The following LRP1 variants were observed in gnomAD, a reference collection of about 807,000 sequenced individuals.
The protein encoded by LRP1 is prolow-density lipoprotein receptor-related protein 1.
In LRP1, 51 loss-of-function variants were observed where a neutral mutation model predicts 541.5. The ratio of observed to expected loss-of-function variants is 0.09; its 90% CI spans 0.08 to 0.12. The LOEUF (loss-of-function observed/expected upper bound fraction) is 0.12. LRP1 is among the 10% of genes least tolerant of loss of function. The probability of loss-of-function intolerance (pLI) is 1.00; values close to 1 mark genes in which losing one functional copy is unlikely to be tolerated. For synonymous variants in LRP1, 2,219 were observed against 2,470.8 expected (o/e 0.90, Z 3.02); for missense variants, 3,878 against 6,376.2 (o/e 0.61, Z 13.34).
rs780876262 is a variant in LRP1, at chr12:57,209,064, G to C, written c.12146-19G>C. The C allele has an allele frequency of 6.3e-7, 1 of 1,597,696 alleles. No homozygotes were observed. Among genetic ancestry groups the C allele is most frequent in the Admixed American group, 1.7e-5 (1 of 59,764 alleles). On this transcript the variant is annotated intron_variant, in intron 78 of 88. Coordinates refer to ENST00000243077, the MANE Select transcript of LRP1 (RefSeq NM_002332.3). The stretch of plus-strand genomic sequence containing the variant: ...GGGTTGGGGAGGCCAAGCTCTCACA[G>C]TGCTCTCTCTCTCCCCAGGCCTGGC...
At chr12:57,143,929 GCCAC>G in intron 4 of LRP1, 131 bp downstream of exon 4, 1 of 1,202,442 alleles carries the variant, frequency 8.3e-7, no homozygotes, top group Non-Finnish European at 1.1e-6. Flanking sequence ...GAGAGGGGGT[GCCAC>G]CACCCCAGGG....
intron 68 of LRP1, 146 bp downstream of exon 68, chr12:57,202,683 TG>T: frequency 1.6e-6 from 1 of 636,520 alleles, no homozygotes; most frequent in South Asian, 1.8e-5. Context: ...TCCCACTCCA[TG>T]TCGTGTATTT....
chr12:57,143,596 A>G, intron 3 of LRP1, 83 bp from the exon 4 acceptor site: 1 of 1,529,408 alleles, frequency 6.5e-7, no homozygotes, highest in Non-Finnish European at 8.9e-7. Flanking sequence ...CTGAAGGTTG[A>G]CTGGGTTTAG....
chr12:57,175,729 G>GA (rs1316278092), intron 23 of LRP1, 24 bp downstream of exon 23: 80 of 1,553,044 alleles, frequency 5.2e-5, no homozygotes, highest in Admixed American at 7.3e-5. Flanking sequence ...GAGGTGTGGT[G>GA]GGGCAGGCCG....
chr12:57,167,929 C>T (rs1212903345), intron 19 of LRP1, among the ~76,000 whole-genome samples: 2 of 152,246 alleles, frequency 1.3e-5, no homozygotes, highest in African/African-American at 4.8e-5. Context: ...AGAAGCCCAC[C>T]TGGCAGATAG....
At chr12:57,138,689 C>A (rs2035225066) in intron 2 of LRP1, 108 bp downstream of exon 2, 1 of 1,444,442 alleles carries the variant, frequency 6.9e-7, no homozygotes, top group Non-Finnish European at 9.5e-7. Flanking sequence ...GTGGACCTTG[C>A]TCAGTGATTG....
At chr12:57,167,383 C>G (rs1369877096) in intron 18 of LRP1, 61 bp from the exon 19 acceptor site, 1 of 1,243,438 alleles carries the variant, frequency 8.0e-7, no homozygotes, top group Non-Finnish European at 1.2e-6. Context: ...ACTCACCTGC[C>G]CAGTACTGTG....
intron 43 of LRP1, 52 bp from the exon 44 acceptor site, chr12:57,191,268 C>A: frequency 6.6e-7 from 1 of 1,526,070 alleles, no homozygotes; most frequent in Non-Finnish European, 8.9e-7. Flanking sequence ...CCGGTGGAGA[C>A]TGGGCAAGAG....
rs1057178105 is a variant in LRP1 at position 57,153,229 on chromosome 12, G to A, written c.842-979G>A. On this transcript the variant is annotated intron_variant, in intron 6 of 88. Transcript: ENST00000243077. ...GAAGGGGGTAGTGAGTAGATGGAAG[G>A]AAGCCAGTGGTCCTGGAGAGGAGGA... Among the ~76,000 whole-genome samples, 54 of 152,072 alleles carry A rather than the reference G, an allele frequency of 3.6e-4. 1 individual carries two copies. Among genetic ancestry groups the A allele is most frequent in the African/African-American group, 1.3e-3 (53 of 41,392 alleles).
intron 79 of LRP1, 128 bp from the exon 80 acceptor site, chr12:57,209,564 G>A: frequency 1.3e-6 from 1 of 749,700 alleles, no homozygotes; most frequent in Non-Finnish European, 2.3e-6. Context: ...ACCGGTGTGG[G>A]GAGAGAGAAT....
chr12:57,157,067 G>A (rs2035636761), intron 10 of LRP1, 147 bp downstream of exon 10: 2 of 1,053,796 alleles, frequency 1.9e-6, no homozygotes, highest in Admixed American at 3.2e-5. Flanking sequence ...GGCAGAGATG[G>A]GACTTGAATC....
rs771295238 is a variant in LRP1 at position 57,206,721 on chromosome 12, C to T, written c.11839C>T (p.Arg3947Trp). ...TSNRHRRQID[R>W]GVTHLNISGL... ...CAACCGCCACCGGCGACAGATTGAC[C>T]GGGGTGTCACCCACCTCAACGTGAG... Residue 3947 changes from arginine (R) to tryptophan (W), a missense_variant, in exon 76 of 89, where the codon CGG becomes TGG. Physicochemically the swap from Arg to Trp is moderately radical, Grantham distance 101. Coordinates refer to ENST00000243077, the MANE Select transcript of LRP1 (RefSeq NM_002332.3). This position sits in a 1 kb window ranked among gnomAD's most constrained non-coding sequence, Gnocchi z 4.7. The T allele has an allele frequency of 6.8e-6, 11 of 1,612,462 alleles. No homozygotes were observed. The highest frequency in any genetic ancestry group is 1.7e-5 in the Admixed American group (1 of 60,008).
At chr12:57,166,274 G>T in intron 17 of LRP1, 65 bp downstream of exon 17, 1 of 1,523,024 alleles carries the variant, frequency 6.6e-7, no homozygotes, top group East Asian at 2.5e-5. Flanking sequence ...AGACGAGGGG[G>T]CCAGGTTCAG....
chr12:57,172,211 C>T (rs2035960176), intron 20 of LRP1, among the ~76,000 whole-genome samples: 1 of 151,714 alleles, frequency 6.6e-6, no homozygotes, highest in Admixed American at 6.6e-5. Context: ...CTCTCTGTCG[C>T]CCAGGCTGGA....
intron 12 of LRP1, among the ~76,000 whole-genome samples, chr12:57,160,505 G>A (rs1462114429): frequency 1.3e-5 from 2 of 152,012 alleles, no homozygotes; most frequent in Non-Finnish European, 2.9e-5. Flanking sequence ...CCTCCTCATG[G>A]TGGCCTTCTC....
chr12:57,197,399 C>T lies in LRP1; in HGVS notation c.9162+15C>T. 1.2e-6 allele frequency: 2 copies of T among 1,610,812 alleles called. No individual in the cohort carries two copies. The highest frequency in any genetic ancestry group is 1.7e-6 in the Non-Finnish European group (2 of 1,177,688). On this transcript the variant is annotated intron_variant, in intron 57 of 88. Transcript: ENST00000243077. The surrounding 1 kb of genome is among the most constrained non-coding windows in gnomAD (Gnocchi z 4.5). ...TACTTAAGCAGGTACCAAACCCAGGCCCTCCTCCCCGCTGCCCATCTCCCA... is the reference window on the plus strand; with the variant it reads ...TACTTAAGCAGGTACCAAACCCAGGTCCTCCTCCCCGCTGCCCATCTCCCA...
At chr12:57,155,079 C>T (rs1359835621) in intron 8 of LRP1, 4 of 489,740 alleles carry the variant, frequency 8.2e-6, no homozygotes, top group East Asian at 3.5e-5. Context: ...GGAACTTGTT[C>T]TAGAAGCCTT....
chr12:57,204,045 G>A lies in LRP1; in HGVS notation c.10952-365G>A, dbSNP rs1206122719. On this transcript the variant is annotated intron_variant, in intron 70 of 88. Coordinates refer to ENST00000243077, the MANE Select transcript of LRP1 (RefSeq NM_002332.3). The surrounding 1 kb of genome is among the most constrained non-coding windows in gnomAD (Gnocchi z 5.3). ...CTCTGCCTTGGTAGGCCAGGCACAG[G>A]GATGGGAACCCGGTCTTCCATTCCC... 1 of 213,054 alleles carries A rather than the reference G, an allele frequency of 4.7e-6. No individual in the cohort carries two copies. The highest frequency in any genetic ancestry group is 9.3e-6 in the Non-Finnish European group (1 of 108,076). The allele number at this position is 213,054 out of a possible 1,614,324, so 13.2% of individuals were successfully genotyped here. A position where few individuals can be genotyped will look rare whatever the true frequency, so the allele number is the denominator to read the frequency against.
rs780655368 is a variant in LRP1, at chr12:57,160,908, A to G, written c.1995A>G (p.Thr665=). 22 of 1,613,734 alleles carry G rather than the reference A, an allele frequency of 1.4e-5. No homozygotes were observed. The highest frequency in any genetic ancestry group is 1.7e-5 in the Non-Finnish European group (20 of 1,180,006). ...CTGCCCACAGGTGGATGTACTGGAC[A>G]GACTGGGAGGAGGACCCCAAGGACA... ...VDPLNGWMYW[T]DWEEDPKDSR... Residue 665 remains threonine, a synonymous_variant, in exon 13 of 89, where the codon ACA becomes ACG. Transcript: ENST00000243077.
Sources: allele counts gnomAD v4.1 joint callset (sites outside exome capture counted in the v4.1 genomes callset), GRCh38; gene constraint gnomAD v4.1.1; non-coding constraint Gnocchi (gnomAD v3.1); transcripts MANE v1.5; gene names NCBI Gene and HGNC (gene_info 2026-07-23, HGNC 2026-07-21).